Variants in CDH23 observed in about 807,000 individuals in gnomAD.
The protein encoded by CDH23 is cadherin related 23.
Under a neutral mutation model 317.1 loss-of-function variants are expected in CDH23, and 189 were observed. That is an observed-to-expected ratio of 0.60 (90% CI 0.53 to 0.67). CDH23 has a LOEUF of 0.67. Ranked by LOEUF, CDH23 falls within the 30% of genes least tolerant of loss-of-function variation. CDH23 has a pLI of 0.00. For synonymous variants in CDH23, 1,839 were observed against 1,876.8 expected (o/e 0.98, Z 0.52); for missense variants, 4,401 against 4,592.4 (o/e 0.96, Z 1.20).
chr10:71,431,800 G>A (rs1849384843), intron 1 of CDH23, among the ~76,000 whole-genome samples: 1 of 152,180 alleles, frequency 6.6e-6, no homozygotes, highest in Non-Finnish European at 1.5e-5. Flanking sequence ...GGCGTTGCCT[G>A]TTGGCAGGCA....
At chr10:71,742,032 T>C (rs1177213536) in intron 38 of CDH23, 111 bp downstream of exon 38, 1 of 897,458 alleles carries the variant, frequency 1.1e-6, no homozygotes, top group South Asian at 1.7e-5. Context: ...AGGCGAATCC[T>C]TGACAACTCC....
At chr10:71,660,204 C>T (rs1026969659) in intron 14 of CDH23, among the ~76,000 whole-genome samples, 1 of 152,020 alleles carries the variant, frequency 6.6e-6, no homozygotes, top group African/African-American at 2.4e-5. Context: ...CGTGATCCAC[C>T]CCGCTCGGCC....
chr10:71,542,229 C>T (rs1248470761), intron 6 of CDH23, among the ~76,000 whole-genome samples: 2 of 152,208 alleles, frequency 1.3e-5, no homozygotes, highest in Non-Finnish European at 1.5e-5. Context: ...AGCCAGGTAT[C>T]TGGGCATCAC....
intron 3 of CDH23, among the ~76,000 whole-genome samples, chr10:71,478,092 C>A (rs576818446): frequency 6.6e-6 from 1 of 152,288 alleles, no homozygotes; most frequent in East Asian, 1.9e-4. Context: ...CAGTGTCTGT[C>A]CACACAAATC....
chr10:71,567,049 A>G (rs1857450350), intron 7 of CDH23, 113 bp downstream of exon 7: 3 of 955,266 alleles, frequency 3.1e-6, no homozygotes, highest in Admixed American at 2.2e-5. Context: ...TCGATGATCT[A>G]TAATAATTAT....
At chr10:71,636,785 G>A (rs1358732790) in intron 11 of CDH23, among the ~76,000 whole-genome samples, 1 of 152,166 alleles carries the variant, frequency 6.6e-6, no homozygotes, top group Non-Finnish European at 1.5e-5. Flanking sequence ...GGCCCAAGAG[G>A]TGCTCCACTC....
rs531335713 is a variant in CDH23, at chr10:71,811,639, G to A, written c.9278+49G>A. On this transcript the variant is annotated intron_variant, in intron 64 of 69. Coordinates refer to ENST00000224721, the MANE Select transcript of CDH23 (RefSeq NM_022124.6). ...TCAGGGGGCCGACCACCTGCTCCCG[G>A]ATGGCCACGAGGCAGGCAGGGCCTG... is the stretch of plus-strand genomic sequence containing the variant. 5 of 1,613,800 alleles carry A rather than the reference G, an allele frequency of 3.1e-6. No homozygotes were observed. In the South Asian group the frequency reaches 5.5e-5, roughly 18 times the overall value.
intron 9 of CDH23, among the ~76,000 whole-genome samples, chr10:71,590,821 G>A (rs556884033): frequency 7.1e-6 from 1 of 141,214 alleles, no homozygotes; most frequent in South Asian, 2.2e-4. Flanking sequence ...AACTAAGATG[G>A]CCCCACTGCA....
chr10:71,410,162 A>T (rs111787502), intron 1 of CDH23, among the ~76,000 whole-genome samples: 5 of 152,376 alleles, frequency 3.3e-5, no homozygotes, highest in African/African-American at 9.6e-5. Flanking sequence ...GGAGGATTAA[A>T]TGAGTTATTG....
chr10:71,425,772 A>G (rs1000447748), intron 1 of CDH23, among the ~76,000 whole-genome samples: 3 of 152,228 alleles, frequency 2.0e-5, no homozygotes, highest in Admixed American at 6.5e-5. Context: ...CAGTGCCCCT[A>G]TCTGTGAAAT....
At chr10:71,438,697 T>C (rs1849735641) in intron 1 of CDH23, among the ~76,000 whole-genome samples, 5 of 152,230 alleles carry the variant, frequency 3.3e-5, no homozygotes, top group Admixed American at 3.3e-4. Flanking sequence ...CCTGTGTCTT[T>C]CCTGGTCACT....
rs748946014 is a variant in CDH23, at chr10:71,793,443, C to A, written c.6515C>A (p.Pro2172His). Residue 2172 changes from proline to histidine, a missense_variant, in exon 48 of 70, where the codon CCC (proline) becomes CAC (histidine). Transcript: ENST00000224721. ...ATCGATGACATCAATGACTCCCGCC[C>A]CGAGTTCCTCAACCCCATCCAGACA... ...ILIDDINDSRPEFLNPIQTVS... is the reference protein window; with the variant it reads ...ILIDDINDSRHEFLNPIQTVS... 1.9e-6 allele frequency: 3 copies of A among 1,614,034 alleles called. No homozygotes were observed. Among genetic ancestry groups the A allele is most frequent in the Non-Finnish European group, 2.5e-6 (3 of 1,179,904 alleles).
intron 3 of CDH23, among the ~76,000 whole-genome samples, chr10:71,475,131 A>T (rs1290121084): frequency 6.6e-6 from 1 of 152,114 alleles, no homozygotes; most frequent in East Asian, 1.9e-4. Flanking sequence ...TGCTGGTCAG[A>T]GCTGTGTAAC....
In CDH23 at chr10:71,690,481, G is replaced by A. The variant is rs746387293; in HGVS notation, c.2073G>A (p.Leu691=). The A allele has an allele frequency of 9.3e-6, 15 of 1,606,318 alleles. No homozygotes were observed. The highest frequency in any genetic ancestry group is 1.1e-5 in the South Asian group (1 of 89,088). Residue 691 remains leucine (L), a synonymous_variant, in exon 20 of 70, where the codon CTG becomes CTA. Coordinates refer to ENST00000224721, the MANE Select transcript of CDH23 (RefSeq NM_022124.6). ...TTCCCCCTGAAGGAGCCACGGTGCT[G>A]TTCCTGAATGCCACAGACCTGGACC... is the stretch of plus-strand genomic sequence containing the variant. ...VENIMAGATV[L]FLNATDLDRS...
chr10:71,542,262 C>G (rs555954911), intron 6 of CDH23, among the ~76,000 whole-genome samples: 171 of 152,354 alleles, frequency 1.1e-3, no homozygotes, highest in Non-Finnish European at 1.8e-3. Context: ...GATCCCAGCT[C>G]TGCTCGCTCC....
chr10:71,576,892 T>C (rs774497162), intron 8 of CDH23, among the ~76,000 whole-genome samples: 5 of 152,216 alleles, frequency 3.3e-5, no homozygotes, highest in Non-Finnish European at 5.9e-5. Context: ...AACCCATCAA[T>C]TGATATTCGA....
chr10:71,773,551 C>G, intron 38 of CDH23: 1 of 1,040,524 alleles, frequency 9.6e-7, no homozygotes, highest in Non-Finnish European at 1.3e-6. Flanking sequence ...TGCGGGCGGC[C>G]CCAGCGCCGT....
chr10:71,671,156 C>G (rs1020098835), intron 14 of CDH23, among the ~76,000 whole-genome samples: 1 of 151,934 alleles, frequency 6.6e-6, no homozygotes, highest in Non-Finnish European at 1.5e-5. Flanking sequence ...GATGGGGTTT[C>G]ACCATGTTGA....
intron 44 of CDH23, among the ~76,000 whole-genome samples, chr10:71,787,637 A>G (rs1435267742): frequency 6.6e-6 from 1 of 152,184 alleles, no homozygotes; most frequent in Non-Finnish European, 1.5e-5. Context: ...GAAAATATGC[A>G]ATATTTGACT....
Sources: gnomAD v4.1 joint callset for allele counts (sites outside exome capture counted in the v4.1 genomes callset) on GRCh38, gnomAD v4.1.1 for gene constraint, MANE v1.5 for transcripts, NCBI Gene and HGNC (gene_info 2026-07-23, HGNC 2026-07-21) for gene names.